Variants in GABRB1 observed in about 807,000 individuals in gnomAD.
GABRB1 encodes gamma-aminobutyric acid type A receptor subunit beta1.
GABRB1 carries 17 observed loss-of-function variants against 51.6 expected under a neutral mutation model. That is an observed-to-expected ratio of 0.33 (90% CI 0.23 to 0.49). The LOEUF is 0.49. Among genes scored for constraint, GABRB1 ranks in the 20% least tolerant of loss-of-function variants. GABRB1 has a pLI of 0.99. For synonymous variants in GABRB1, 247 were observed against 218.9 expected, an observed-to-expected ratio of 1.13 and a Z score of -1.14; for missense variants, 410 against 600.6, an observed-to-expected ratio of 0.68 and a Z score of 3.32.
At chr4:47,192,289 T>C (rs1379958847) in intron 4 of GABRB1, among the ~76,000 whole-genome samples, 1 of 152,152 alleles carries the variant, frequency 6.6e-6, no homozygotes, top group East Asian at 1.9e-4. Context: ...TGCTGATGAT[T>C]ATCCCAAATG....
chr4:47,052,974 T>C (rs1340998569), intron 3 of GABRB1, among the ~76,000 whole-genome samples: 2 of 152,196 alleles, frequency 1.3e-5, no homozygotes, highest in Non-Finnish European at 2.9e-5. Context: ...TGAGGCGCTG[T>C]TGCAGGCTGG....
intron 3 of GABRB1, among the ~76,000 whole-genome samples, chr4:47,045,567 G>A (rs923299640): frequency 2.6e-5 from 4 of 151,900 alleles, no homozygotes; most frequent in Non-Finnish European, 5.9e-5. Flanking sequence ...CAGTTCTGGA[G>A]GATGGGAAAT....
At chr4:47,111,502 G>A (rs976134939) in intron 3 of GABRB1, among the ~76,000 whole-genome samples, 1 of 152,044 alleles carries the variant, frequency 6.6e-6, no homozygotes, top group Admixed American at 6.6e-5. Flanking sequence ...GAGGACAGTA[G>A]AATTTTAAAC....
intron 3 of GABRB1, among the ~76,000 whole-genome samples, chr4:47,150,968 A>AAG (rs1717417758): frequency 6.6e-6 from 1 of 151,978 alleles, no homozygotes; most frequent in Admixed American, 6.6e-5. Flanking sequence ...AGAAGGTGGC[A>AAG]AGAGAGATAA....
chr4:46,998,136 A>AT (rs1235661485), intron 1 of GABRB1, among the ~76,000 whole-genome samples: 1 of 152,142 alleles, frequency 6.6e-6, no homozygotes, highest in Admixed American at 6.6e-5. Context: ...CAAAATAAGA[A>AT]TTTTTTGCCA....
At chr4:47,159,643 G>A (rs1717851847) in intron 3 of GABRB1, among the ~76,000 whole-genome samples, 1 of 151,998 alleles carries the variant, frequency 6.6e-6, no homozygotes, top group Non-Finnish European at 1.5e-5. Context: ...TTATTGCAAG[G>A]TGGTTTCTGA....
chr4:47,100,142 C>A (rs989012838), intron 3 of GABRB1, among the ~76,000 whole-genome samples: 3 of 151,820 alleles, frequency 2.0e-5, no homozygotes, highest in African/African-American at 7.3e-5. Flanking sequence ...GGACCTATTT[C>A]TAATTAAAGT....
intron 1 of GABRB1, among the ~76,000 whole-genome samples, chr4:47,004,877 A>C (rs1724339380): frequency 6.6e-6 from 1 of 152,246 alleles, no homozygotes; most frequent in African/African-American, 2.4e-5. Context: ...GAAGTTTAAT[A>C]CTTATAGTTT....
At chr4:47,366,579 C>T (rs1461467996) in intron 5 of GABRB1, among the ~76,000 whole-genome samples, 1 of 152,058 alleles carries the variant, frequency 6.6e-6, no homozygotes, top group Non-Finnish European at 1.5e-5. Context: ...CCTATTTTAT[C>T]CACTGCTACA....
At chr4:47,017,621 T>TG (rs202115764) in intron 1 of GABRB1, among the ~76,000 whole-genome samples, 2,412 of 152,178 alleles carry the variant, frequency 0.016, 37 homozygotes, top group East Asian at 0.025. Flanking sequence ...GAATGATTTA[T>TG]TTTTTCACAC....
intron 4 of GABRB1, among the ~76,000 whole-genome samples, chr4:47,311,354 GTGAGC>G (rs1425516443): frequency 6.7e-6 from 1 of 149,198 alleles, no homozygotes; most frequent in Non-Finnish European, 1.5e-5. Flanking sequence ...GGAGGATGCA[GTGAGC>G]TGAGATCGTG....
At chr4:47,204,725 C>T (rs562946097) in intron 4 of GABRB1, among the ~76,000 whole-genome samples, 88 of 152,132 alleles carry the variant, frequency 5.8e-4, no homozygotes, top group Non-Finnish European at 1.1e-3. Flanking sequence ...TCTCTCTTTG[C>T]CTGCCACCAT....
Position 47,129,444 on chromosome 4 carries a change from A to G in GABRB1, c.241-31805A>G, listed in dbSNP as rs182742491. 9.2e-5 allele frequency among the ~76,000 whole-genome samples: 14 copies of G among 152,320 alleles called. No individual in the cohort carries two copies. In the East Asian group the frequency reaches 2.7e-3, roughly 29 times the overall value. On this transcript the variant is annotated intron_variant, in intron 3 of 8. Transcript: ENST00000295454. ...AATTTAGTCTTGTCAAATACATTAT[A>G]TTTTAATGTATTCATCATTGGCAAA...
intron 4 of GABRB1, among the ~76,000 whole-genome samples, chr4:47,222,994 A>G (rs1720819393): frequency 6.6e-6 from 1 of 152,118 alleles, no homozygotes; most frequent in South Asian, 2.1e-4. Flanking sequence ...ACACCTTGCC[A>G]TCTAAGCTCC....
chr4:47,046,426 G>A (rs973823668), intron 3 of GABRB1, among the ~76,000 whole-genome samples: 1 of 152,030 alleles, frequency 6.6e-6, no homozygotes, highest in Non-Finnish European at 1.5e-5. Context: ...GGTAGGAACT[G>A]TGAAAGGTTA....
At chr4:47,293,773 A>G (rs924910938) in intron 4 of GABRB1, among the ~76,000 whole-genome samples, 18 of 152,172 alleles carry the variant, frequency 1.2e-4, no homozygotes, top group Admixed American at 9.2e-4. Flanking sequence ...CTTTGTTTCT[A>G]TTGCTCCTAA....
chr4:47,272,225 A>C (rs962162554), intron 4 of GABRB1, among the ~76,000 whole-genome samples: 10 of 152,200 alleles, frequency 6.6e-5, no homozygotes, highest in Non-Finnish European at 1.3e-4. Flanking sequence ...GGTTGTAAAG[A>C]TAAACAGAAG....
At chr4:47,408,550 C>T (rs1728651730) in intron 8 of GABRB1, among the ~76,000 whole-genome samples, 3 of 152,156 alleles carry the variant, frequency 2.0e-5, no homozygotes. Flanking sequence ...TTGTGTGAGG[C>T]ACTATGTTCA....
Position 47,337,795 on chromosome 4 carries a change from G to A in GABRB1, c.544+17586G>A, listed in dbSNP as rs1053190819. On this transcript the variant is annotated intron_variant, in intron 5 of 8. Transcript: ENST00000295454. ...ACTGCACTCCAGCCTGGGCGACAGA[G>A]CCAGACTCTGTCTAAAAAAAAAAAA... Among the ~76,000 whole-genome samples the A allele has an allele frequency of 4.7e-5, 6 of 127,260 alleles. No individual in the cohort carries two copies. The East Asian group carries it at 9.6e-4, about 20-fold the overall frequency. 83.5% of individuals were successfully genotyped at this position (127,260 alleles called of 152,430 possible). A position where few individuals can be genotyped will look rare whatever the true frequency, so the allele number is the denominator to read the frequency against.
Sources: allele counts gnomAD v4.1 joint callset (sites outside exome capture counted in the v4.1 genomes callset), GRCh38; gene constraint gnomAD v4.1.1; transcripts MANE v1.5; gene names NCBI Gene and HGNC (gene_info 2026-07-23, HGNC 2026-07-21).